SLC25A48: variants seen among roughly 807,000 people sequenced by gnomAD.
SLC25A48 encodes the protein solute carrier family 25 member 48, also known as CTC-321K16.1.
SLC25A48 carries 29 observed loss-of-function variants against 32.2 expected under a neutral mutation model. That is an observed-to-expected ratio of 0.90 (90% CI 0.67 to 1.23). The LOEUF is 1.23. SLC25A48 is among the 50% of genes most tolerant of loss of function. The pLI, the probability that SLC25A48 is intolerant of heterozygous loss-of-function variation, is 0.00. For synonymous variants in SLC25A48, 164 were observed against 172.3 expected (o/e 0.95, Z 0.38); for missense variants, 399 against 422.7 (o/e 0.94, Z 0.49).
chr5:135,785,550 A>G (rs1756818689), intron 3 of SLC25A48, among the ~76,000 whole-genome samples: 1 of 145,924 alleles, frequency 6.9e-6, no homozygotes, highest in Non-Finnish European at 1.5e-5. Context: ...GGATCGTAAT[A>G]TCCAGGGGGG....
At chr5:135,811,566 C>T (rs1010831856) in intron 3 of SLC25A48, among the ~76,000 whole-genome samples, 10 of 151,620 alleles carry the variant, frequency 6.6e-5, no homozygotes, top group African/African-American at 2.4e-4. Flanking sequence ...GTTCTCACCA[C>T]AAAAAATAAG....
intron 3 of SLC25A48, among the ~76,000 whole-genome samples, chr5:135,767,301 T>G (rs1487144639): frequency 6.6e-6 from 1 of 151,804 alleles, no homozygotes; most frequent in African/African-American, 2.4e-5. Flanking sequence ...GAGGATGATA[T>G]TACTTTCCAT....
chr5:135,835,136 G>A (rs1457035200), intron 1 of SLC25A48: 7 of 695,682 alleles, frequency 1.0e-5, no homozygotes, highest in South Asian at 9.0e-5. Context: ...GTTAGGATCC[G>A]TGGGACTTGA....
chr5:135,723,823 C>T (rs79474193), intron 3 of SLC25A48, among the ~76,000 whole-genome samples: 1,964 of 152,254 alleles, frequency 0.013, 43 homozygotes, highest in African/African-American at 0.044. Flanking sequence ...ACTTATCAGC[C>T]GCCTAGCTGA....
intron 1 of SLC25A48, among the ~76,000 whole-genome samples, chr5:135,836,973 CCCCCCCCCCA>C: frequency 5.1e-5 from 1 of 19,648 alleles, no homozygotes; most frequent in African/African-American, 7.8e-5. Flanking sequence ...CCCCCCCACC[CCCCCCCCCCA>C]CACACACACA....
intron 3 of SLC25A48, among the ~76,000 whole-genome samples, chr5:135,737,901 A>G (rs1186482468): frequency 6.6e-6 from 1 of 152,178 alleles, no homozygotes; most frequent in Non-Finnish European, 1.5e-5. Context: ...AATGCCATCC[A>G]CAGACCAGGG....
At chr5:135,672,471 G>A (rs2096134886) in intron 3 of SLC25A48, among the ~76,000 whole-genome samples, 1 of 152,140 alleles carries the variant, frequency 6.6e-6, no homozygotes, top group African/African-American at 2.4e-5. Context: ...GTCCCCACAA[G>A]AGTGTGAGAC....
intron 4 of SLC25A48, chr5:135,827,618 C>T (rs35520957): frequency 0.18 from 27,770 of 152,066 alleles, 2,825 homozygotes; most frequent in East Asian, 0.43. Flanking sequence ...AAACTCTTCC[C>T]GACTCCCCTT....
At chr5:135,768,919 C>A (rs1387367147) in intron 3 of SLC25A48, among the ~76,000 whole-genome samples, 1 of 151,774 alleles carries the variant, frequency 6.6e-6, no homozygotes, top group Non-Finnish European at 1.5e-5. Context: ...CTCGCAATAT[C>A]GCAGGGGTTG....
At chr5:135,596,987 G>A (rs1412048115) in intron 1 of SLC25A48, among the ~76,000 whole-genome samples, 2 of 152,090 alleles carry the variant, frequency 1.3e-5, no homozygotes, top group Admixed American at 6.5e-5. Context: ...TGACTCAGTC[G>A]TCTTTTGAAA....
chr5:135,669,686 T>A (rs1357616229), intron 3 of SLC25A48, among the ~76,000 whole-genome samples: 1 of 152,200 alleles, frequency 6.6e-6, no homozygotes, highest in Non-Finnish European at 1.5e-5. Flanking sequence ...TGTCCAAGAA[T>A]GTGCCTCACA....
rs527327777 is a variant in SLC25A48, at chr5:135,888,370, G to A, written c.*346G>A. 7.2e-5 allele frequency: 24 copies of A among 332,314 alleles called. No individual in the cohort carries two copies. Among genetic ancestry groups the A allele is most frequent in the Non-Finnish European group, 1.3e-4 (23 of 177,076 alleles). 20.6% of individuals were successfully genotyped at this position (332,314 alleles called of 1,614,324 possible). On this transcript the variant is annotated 3_prime_UTR_variant, in exon 8 of 8. Coordinates refer to ENST00000681962, the MANE Select transcript of SLC25A48 (RefSeq NM_001349336.2). ...ACGTTGCTTCACTCCTCTGTCTGAG[G>A]ATGGGGAGGGGCCAGTGAGCTCTGG...
intron 3 of SLC25A48, among the ~76,000 whole-genome samples, chr5:135,656,723 G>A (rs528923184): frequency 1.3e-5 from 2 of 152,256 alleles, no homozygotes; most frequent in African/African-American, 4.8e-5. Context: ...AAGAGTAGAA[G>A]AGATATGCAG....
At chr5:135,769,572 G>A (rs1561484034) in intron 3 of SLC25A48, among the ~76,000 whole-genome samples, 1 of 151,586 alleles carries the variant, frequency 6.6e-6, no homozygotes, top group Non-Finnish European at 1.5e-5. Context: ...AGGAGAGAAT[G>A]ATCTTACTCT....
intron 3 of SLC25A48, among the ~76,000 whole-genome samples, chr5:135,675,244 T>C (rs189585218): frequency 6.6e-6 from 1 of 152,020 alleles, no homozygotes; most frequent in Non-Finnish European, 1.5e-5. Context: ...TAGACATTAG[T>C]CCATTGTTAG....
rs531230691 is a variant in SLC25A48 at position 135,719,620 on chromosome 5, C to T, written c.-521+84664C>T. Among the ~76,000 whole-genome samples, 75 of 152,262 alleles carry T rather than the reference C, an allele frequency of 4.9e-4. 1 individual carries two copies. Among genetic ancestry groups the T allele is most frequent in the Admixed American group, 7.8e-4 (12 of 15,304 alleles). ...CAGGGGATCTGAGCCCAGCCCTGCT[C>T]AGGAATGTGTCCTGGAGTGTGGGAC... On this transcript the variant is annotated intron_variant, in intron 3 of 10. Transcript: ENST00000646290.
chr5:135,602,472 A>G (rs190860996), intron 1 of SLC25A48, among the ~76,000 whole-genome samples: 1 of 152,290 alleles, frequency 6.6e-6, no homozygotes, highest in East Asian at 1.9e-4. Flanking sequence ...TTTTTGAGTT[A>G]TGGGGTTAGG....
chr5:135,819,136 G>C (rs1272396102), intron 4 of SLC25A48, among the ~76,000 whole-genome samples: 1 of 151,344 alleles, frequency 6.6e-6, no homozygotes, highest in Non-Finnish European at 1.5e-5. Flanking sequence ...AGTCCCAGAA[G>C]GCGAGAAGAA....
At chr5:135,762,604 A>G in intron 3 of SLC25A48, among the ~76,000 whole-genome samples, 1 of 152,112 alleles carries the variant, frequency 6.6e-6, no homozygotes, top group East Asian at 1.9e-4. Flanking sequence ...GTCTTGGGTC[A>G]GGGGATGTGT....
Sources: allele counts gnomAD v4.1 joint callset (sites outside exome capture counted in the v4.1 genomes callset), GRCh38; gene constraint gnomAD v4.1.1; transcripts MANE v1.5; gene names NCBI Gene and HGNC (gene_info 2026-07-23, HGNC 2026-07-21).